Variants in PMM2 observed in about 807,000 individuals in gnomAD.
PMM2 encodes the protein mannose-6-phosphate isomerase.
Under a neutral mutation model 33.2 loss-of-function variants are expected in PMM2, and 35 were observed. The ratio of observed to expected loss-of-function variants is 1.06; its 90% CI spans 0.81 to 1.40. PMM2 has a LOEUF of 1.40. Among genes scored for constraint, PMM2 ranks in the 40% most tolerant of loss-of-function variants. PMM2 has a pLI of 0.00. For synonymous variants in PMM2, 153 were observed against 114.7 expected, an observed-to-expected ratio of 1.33 and a Z score of -2.13; for missense variants, 386 against 306.0, an observed-to-expected ratio of 1.26 and a Z score of -1.95.
At chr16:8,828,777 G>A (rs1278825699) in intron 7 of PMM2, among the ~76,000 whole-genome samples, 1 of 152,212 alleles carries the variant, frequency 6.6e-6, no homozygotes, top group African/African-American at 2.4e-5. Context: ...TGCTCTCCAT[G>A]ACAGAGGATG....
Position 8,806,311 on chromosome 16 carries a change from T to C in PMM2, c.256-5T>C, listed in dbSNP as rs1430962288. ...TCAAGTAACTCAAGTATTTTCTTCA[T>C]CTAGAATATTCAAAGTCATCTGGGT... is the stretch of plus-strand genomic sequence containing the variant. On this transcript the variant is annotated splice_polypyrimidine_tract_variant and splice_region_variant and intron_variant, in intron 3 of 7. Transcript: ENST00000268261. 1 of 1,564,344 alleles carries C rather than the reference T, an allele frequency of 6.4e-7. No individual in the cohort carries two copies.
At chr16:8,803,929 C>A (rs1207154271) in intron 2 of PMM2, among the ~76,000 whole-genome samples, 1 of 151,542 alleles carries the variant, frequency 6.6e-6, no homozygotes, top group East Asian at 1.9e-4. Context: ...GGTGATCTGG[C>A]CACCTTGGCC....
At chr16:8,839,362 G>C (rs904216755) in intron 7 of PMM2, among the ~76,000 whole-genome samples, 4 of 151,932 alleles carry the variant, frequency 2.6e-5, no homozygotes, top group African/African-American at 9.7e-5. Context: ...TGCTGCAAGG[G>C]GTGTCTTGTA....
intron 7 of PMM2, among the ~76,000 whole-genome samples, chr16:8,845,264 T>C (rs531748055): frequency 2.0e-5 from 3 of 152,238 alleles, no homozygotes; most frequent in Admixed American, 2.0e-4. Flanking sequence ...CAAAGAACCT[T>C]CTTAAGGGTG....
At chr16:8,841,889 A>C (rs1389612972) in intron 7 of PMM2, among the ~76,000 whole-genome samples, 1 of 150,522 alleles carries the variant, frequency 6.6e-6, no homozygotes, top group Non-Finnish European at 1.5e-5. Context: ...GGGAGCAGAA[A>C]GTATATGCAT....
At position 8,811,084 on chromosome 16, in the gene PMM2, C is replaced by G. The variant is rs2060674564; in HGVS notation, c.353C>G (p.Thr118Ser). 3 of 1,557,862 alleles carry G rather than the reference C, an allele frequency of 1.9e-6. No individual in the cohort carries two copies. Among genetic ancestry groups the G allele is most frequent in the Non-Finnish European group, 1.7e-6 (2 of 1,145,486 alleles). The change falls in exon 5 of 8, where the codon ACT becomes AGT. Residue 118 changes from threonine (T) to serine (S), a missense_variant. Physicochemically the swap from Thr to Ser is moderately conservative, Grantham distance 58 (BLOSUM62 1). Coordinates refer to ENST00000268261, the MANE Select transcript of PMM2 (RefSeq NM_000303.3). ...TGTCACCCTTTCATTCCCAGGGGTACTTTCATTGAATTCCGAAATGGGATG... is the reference window on the plus strand; with the variant it reads ...TGTCACCCTTTCATTCCCAGGGGTAGTTTCATTGAATTCCGAAATGGGATG... Reference protein sequence around the residue: ...AKIKLPKKRGTFIEFRNGMLN... With the variant: ...AKIKLPKKRGSFIEFRNGMLN...
At chr16:8,835,394 C>G (rs1333742276) in intron 7 of PMM2, among the ~76,000 whole-genome samples, 1 of 151,916 alleles carries the variant, frequency 6.6e-6, no homozygotes, top group African/African-American at 2.4e-5. Context: ...GTCTGTGAAG[C>G]CTTGTGGCCG....
At chr16:8,809,259 ATAG>A (rs962685845) in intron 4 of PMM2, 4 of 152,238 alleles carry the variant, frequency 2.6e-5, no homozygotes, top group African/African-American at 4.8e-5. Context: ...TGAGATTAAA[ATAG>A]TAGAAAAAGA....
intron 7 of PMM2, among the ~76,000 whole-genome samples, chr16:8,827,454 G>A (rs2060775580): frequency 6.7e-6 from 1 of 149,362 alleles, no homozygotes; most frequent in East Asian, 2.0e-4. Context: ...AGAGTGCAAT[G>A]GCATGATCTA....
intron 4 of PMM2, 38 bp from the exon 5 acceptor site, chr16:8,811,041 G>A (rs1430877918): frequency 1.6e-5 from 20 of 1,231,754 alleles, no homozygotes; most frequent in Non-Finnish European, 2.2e-5. Flanking sequence ...AATGAATAAC[G>A]TGTTTTTGGA....
At chr16:8,829,572 G>A (rs888808707) in intron 7 of PMM2, among the ~76,000 whole-genome samples, 3 of 152,214 alleles carry the variant, frequency 2.0e-5, no homozygotes, top group Non-Finnish European at 4.4e-5. Flanking sequence ...AACTTGGCAA[G>A]GCTCACACTT....
chr16:8,823,076 C>A (rs1337373951), intron 7 of PMM2, among the ~76,000 whole-genome samples: 2 of 152,122 alleles, frequency 1.3e-5, no homozygotes, highest in African/African-American at 4.8e-5. Context: ...TCATCCTTAT[C>A]TTTTTAGTCA....
intron 1 of PMM2, 78 bp downstream of exon 1, chr16:8,798,026 G>A: frequency 2.8e-6 from 4 of 1,427,766 alleles, no homozygotes; most frequent in Non-Finnish European, 3.8e-6. Flanking sequence ...GACCACCCAG[G>A]GTAGGCGCCA....
intron 1 of PMM2, among the ~76,000 whole-genome samples, chr16:8,798,509 T>C (rs775865871): frequency 3.3e-5 from 5 of 152,150 alleles, no homozygotes; most frequent in Admixed American, 3.3e-4. Context: ...TTGTGTAAGT[T>C]CTTGAAAGTA....
rs757323701 is a variant in PMM2 at position 8,806,394 on chromosome 16, C to G, written c.334C>G (p.Leu112Val). 5.0e-6 allele frequency: 8 copies of G among 1,610,850 alleles called. No homozygotes were observed. Among genetic ancestry groups the G allele is most frequent in the Non-Finnish European group, 6.8e-6 (8 of 1,177,136 alleles). ...YCLSYIAKIK[L>V]PKKRGTFIEF... Reference sequence around the variant, plus strand: ...TCTGAGCTACATTGCGAAAATTAAACTCCCGAAGAAGAGGTGGGTTTGCTT... The same window carrying G: ...TCTGAGCTACATTGCGAAAATTAAAGTCCCGAAGAAGAGGTGGGTTTGCTT... The change falls in exon 4 of 8, where the codon CTC becomes GTC. Residue 112 changes from leucine to valine, a missense_variant. Coordinates refer to ENST00000268261, the MANE Select transcript of PMM2 (RefSeq NM_000303.3).
chr16:8,808,363 G>A (rs1471718619), intron 4 of PMM2: 2 of 151,306 alleles, frequency 1.3e-5, no homozygotes, highest in Non-Finnish European at 2.9e-5. Flanking sequence ...TGAGCACTAA[G>A]GGAGGATTTA....
chr16:8,836,590 G>A (rs1156872666), intron 7 of PMM2, among the ~76,000 whole-genome samples: 3 of 152,018 alleles, frequency 2.0e-5, no homozygotes, highest in African/African-American at 7.2e-5. Context: ...TGGAGGCAAG[G>A]AATTGCCACT....
intron 7 of PMM2, chr16:8,832,285 G>A (rs1004895908): frequency 1.3e-5 from 13 of 985,314 alleles, no homozygotes; most frequent in Admixed American, 6.1e-5. Context: ...CGAGCCGTGC[G>A]GCTCTCTGAA....
chr16:8,797,978 C>G (rs1473728828), intron 1 of PMM2, 30 bp downstream of exon 1: 1 of 1,573,986 alleles, frequency 6.4e-7, no homozygotes, highest in East Asian at 2.3e-5. Flanking sequence ...CTGCTGGCAG[C>G]CGACGCGGAG....
Sources: gnomAD v4.1 joint callset for allele counts (sites outside exome capture counted in the v4.1 genomes callset) on GRCh38, gnomAD v4.1.1 for gene constraint, MANE v1.5 for transcripts, NCBI Gene and HGNC (gene_info 2026-07-23, HGNC 2026-07-21) for gene names.